Variants in HS6ST3 observed in about 807,000 individuals in gnomAD.
The protein encoded by HS6ST3 is heparan sulfate 6-O-sulfotransferase 3.
HS6ST3 carries 12 observed loss-of-function variants against 36.7 expected under a neutral mutation model. The observed-to-expected ratio is 0.33, with a 90% confidence interval of 0.21 to 0.53. The LOEUF (loss-of-function observed/expected upper bound fraction) is 0.53. Among genes scored for constraint, HS6ST3 ranks in the 20% least tolerant of loss-of-function variants. HS6ST3 has a pLI of 0.95. For missense variants in HS6ST3, 584 were observed against 640.9 expected (o/e 0.91, Z 0.96); for synonymous variants, 240 against 257.5 (o/e 0.93, Z 0.65).
chr13:96,267,960 C>A (rs1451699829), intron 1 of HS6ST3, among the ~76,000 whole-genome samples: 2 of 151,898 alleles, frequency 1.3e-5, no homozygotes, highest in Non-Finnish European at 2.9e-5. Flanking sequence ...TTCCTTCTTG[C>A]TGTGTGCTCA....
chr13:96,173,669 TAAAAAAAAAAA>T (rs5805954), intron 1 of HS6ST3, among the ~76,000 whole-genome samples: 1 of 94,866 alleles, frequency 1.1e-5, no homozygotes, highest in Non-Finnish European at 2.0e-5. Context: ...TCACAGGTTG[TAAAAAAAAAAA>T]AAAAAAAAAA....
intron 1 of HS6ST3, among the ~76,000 whole-genome samples, chr13:96,385,733 C>G (rs2055364181): frequency 6.6e-6 from 1 of 152,154 alleles, no homozygotes. Flanking sequence ...AAAATTAATT[C>G]TAATGACAGT....
chr13:96,807,381 ATAAAT>A (rs1878219929), intron 1 of HS6ST3, among the ~76,000 whole-genome samples: 1 of 152,150 alleles, frequency 6.6e-6, no homozygotes, highest in Non-Finnish European at 1.5e-5. Flanking sequence ...AGGTAATTAG[ATAAAT>A]TAAGGTTATA....
At chr13:96,706,441 A>ATATATATATATATATATATATATATAT (rs1875428838) in intron 1 of HS6ST3, among the ~76,000 whole-genome samples, 11 of 142,454 alleles carry the variant, frequency 7.7e-5, no homozygotes, top group African/African-American at 2.1e-4. Flanking sequence ...ATATATATAT[A>ATATATATATATATATATATATATATAT]ATCAGGGAAA....
intron 1 of HS6ST3, among the ~76,000 whole-genome samples, chr13:96,126,083 A>C (rs1319546680): frequency 6.6e-6 from 1 of 152,134 alleles, no homozygotes; most frequent in Non-Finnish European, 1.5e-5. Flanking sequence ...CCGTAAACGC[A>C]TGTGCTTCCT....
intron 1 of HS6ST3, among the ~76,000 whole-genome samples, chr13:96,706,956 A>G (rs1875443291): frequency 6.6e-6 from 1 of 152,196 alleles, no homozygotes. Flanking sequence ...GCTTTCAAAA[A>G]AAGGAAATAT....
intron 1 of HS6ST3, among the ~76,000 whole-genome samples, chr13:96,435,476 C>T (rs1366573275): frequency 6.6e-6 from 1 of 152,172 alleles, no homozygotes; most frequent in Non-Finnish European, 1.5e-5. Context: ...TTTCCAGATC[C>T]CACTGGACAC....
At chr13:96,567,856 A>G (rs1279355868) in intron 1 of HS6ST3, among the ~76,000 whole-genome samples, 2 of 152,240 alleles carry the variant, frequency 1.3e-5, no homozygotes, top group Admixed American at 6.5e-5. Context: ...ATCGTGGCCT[A>G]CAAACAGATA....
chr13:96,529,821 C>T (rs1030382789), intron 1 of HS6ST3, among the ~76,000 whole-genome samples: 1 of 152,142 alleles, frequency 6.6e-6, no homozygotes, highest in African/African-American at 2.4e-5. Context: ...GATAGGATCA[C>T]CCTTATCTTT....
intron 1 of HS6ST3, chr13:96,574,342 T>G (rs1438711671): frequency 5.0e-6 from 2 of 398,792 alleles, no homozygotes; most frequent in East Asian, 1.2e-4. Context: ...TCAGGAAAGG[T>G]AGCTTTAAGG....
chr13:96,236,607 A>G (rs920837987), intron 1 of HS6ST3, among the ~76,000 whole-genome samples: 8 of 152,178 alleles, frequency 5.3e-5, no homozygotes, highest in African/African-American at 1.9e-4. Flanking sequence ...CTCTGACGCC[A>G]TGAATCTGTC....
chr13:96,104,658 G>T (rs902623456), intron 1 of HS6ST3, among the ~76,000 whole-genome samples: 7 of 152,140 alleles, frequency 4.6e-5, no homozygotes, highest in African/African-American at 1.4e-4. Context: ...TCACTCCAGG[G>T]CCAGACACCA....
At chr13:96,670,323 G>A (rs1461467445) in intron 1 of HS6ST3, among the ~76,000 whole-genome samples, 2 of 152,246 alleles carry the variant, frequency 1.3e-5, no homozygotes, top group Middle Eastern at 3.4e-3. Context: ...TCTGTTTGAG[G>A]TAGATTCAAG....
chr13:96,536,430 A>G (rs1405165962), intron 1 of HS6ST3, among the ~76,000 whole-genome samples: 1 of 152,252 alleles, frequency 6.6e-6, no homozygotes, highest in Non-Finnish European at 1.5e-5. Flanking sequence ...TTTATTATAG[A>G]CAACATAAAA....
At chr13:96,235,497 G>A (rs576071819) in intron 1 of HS6ST3, among the ~76,000 whole-genome samples, 1 of 152,288 alleles carries the variant, frequency 6.6e-6, no homozygotes, top group Non-Finnish European at 1.5e-5. Context: ...TCATAGGGGA[G>A]TAAGATGGGA....
intron 1 of HS6ST3, among the ~76,000 whole-genome samples, chr13:96,644,357 G>A (rs940184626): frequency 2.0e-5 from 3 of 152,018 alleles, no homozygotes; most frequent in Admixed American, 6.6e-5. Flanking sequence ...CCAGGAAAAT[G>A]TGTACTGAAT....
intron 1 of HS6ST3, among the ~76,000 whole-genome samples, chr13:96,094,920 C>A (rs1220156575): frequency 6.6e-6 from 1 of 152,172 alleles, no homozygotes; most frequent in East Asian, 1.9e-4. Context: ...TTCTCACTCT[C>A]TTTATGCTTC....
At chr13:96,276,605 A>G (rs2054749786) in intron 1 of HS6ST3, among the ~76,000 whole-genome samples, 1 of 152,230 alleles carries the variant, frequency 6.6e-6, no homozygotes, top group African/African-American at 2.4e-5. Flanking sequence ...TATCTTGCAC[A>G]TATTGCTATA....
At chr13:96,494,072 A>G (rs1001062169) in intron 1 of HS6ST3, among the ~76,000 whole-genome samples, 12 of 152,158 alleles carry the variant, frequency 7.9e-5, no homozygotes, top group African/African-American at 2.9e-4. Context: ...AGCTTGCTAC[A>G]ATTACAGATG....
Sources: allele counts gnomAD v4.1 joint callset (sites outside exome capture counted in the v4.1 genomes callset), GRCh38; gene constraint gnomAD v4.1.1; transcripts MANE v1.5; gene names NCBI Gene and HGNC (gene_info 2026-07-23, HGNC 2026-07-21).